EIF2AK4: variants seen among roughly 807,000 people sequenced by gnomAD.
EIF2AK4 encodes eIF-2-alpha kinase GCN2.
Under a neutral mutation model 211.1 loss-of-function variants are expected in EIF2AK4, and 139 were observed. The observed-to-expected ratio is 0.66, with a 90% CI of 0.57 to 0.76. The LOEUF (loss-of-function observed/expected upper bound fraction) is 0.76, where lower values mean the gene tolerates loss of function less well. Among genes scored for constraint, EIF2AK4 ranks in the 30% least tolerant of loss-of-function variants. The pLI, the probability that EIF2AK4 is intolerant of heterozygous loss-of-function variation, is 0.00. For missense variants in EIF2AK4, 1,664 were observed against 2,043.8 expected, an observed-to-expected ratio of 0.81 and a Z score of 3.58; for synonymous variants, 710 against 751.3, an observed-to-expected ratio of 0.94 and a Z score of 0.90.
rs2034143206 is a variant in EIF2AK4 at position 39,941,444 on chromosome 15, G to A, written c.257+1827G>A. 3.9e-5 allele frequency among the ~76,000 whole-genome samples: 6 copies of A among 152,228 alleles called. No homozygotes were observed. In the South Asian group the frequency reaches 1.2e-3, roughly 32 times the overall value. ...CTGTTGCTCAGGAAATTCCAAGGGT[G>A]ATAGGATCTCTGTGCCAGGAACAGG... is the stretch of plus-strand genomic sequence containing the variant. On this transcript the variant is annotated intron_variant, in intron 2 of 38. Coordinates refer to ENST00000263791, the MANE Select transcript of EIF2AK4 (RefSeq NM_001013703.4).
intron 26 of EIF2AK4, 52 bp downstream of exon 26, chr15:40,009,782 G>GATAATA: frequency 1.6e-6 from 2 of 1,220,802 alleles, no homozygotes; most frequent in Non-Finnish European, 2.4e-6. Context: ...GATGTTGAAA[G>GATAATA]ATAATAATAA....
intron 6 of EIF2AK4, among the ~76,000 whole-genome samples, chr15:39,959,186 A>G (rs1042147776): frequency 6.6e-6 from 1 of 152,214 alleles, no homozygotes. Context: ...GACCAGAGTC[A>G]TAGCTTCTGA....
chr15:40,004,354 CTGTT>C (rs142001486), intron 23 of EIF2AK4, among the ~76,000 whole-genome samples: 1,555 of 152,220 alleles, frequency 0.01, 34 homozygotes, highest in African/African-American at 0.035. Flanking sequence ...AACTGTCTGT[CTGTT>C]TATCAGTAGG....
At chr15:39,940,417 G>T (rs2034128939) in intron 2 of EIF2AK4, among the ~76,000 whole-genome samples, 2 of 152,124 alleles carry the variant, frequency 1.3e-5, no homozygotes, top group Non-Finnish European at 2.9e-5. Flanking sequence ...ACAAGTAAAA[G>T]GAAACTCTGC....
At chr15:40,025,160 G>A (rs928290512) in intron 32 of EIF2AK4, among the ~76,000 whole-genome samples, 7 of 152,160 alleles carry the variant, frequency 4.6e-5, no homozygotes, top group Non-Finnish European at 1.0e-4. Context: ...ATAGAGGCAG[G>A]CCAGCAGAGA....
chr15:40,020,096 G>T (rs562936830), intron 30 of EIF2AK4, among the ~76,000 whole-genome samples: 1 of 151,810 alleles, frequency 6.6e-6, no homozygotes, highest in African/African-American at 2.4e-5. Context: ...GAACCCAGGA[G>T]GGGGAGGTTG....
chr15:40,023,980 G>T (rs914789024), intron 32 of EIF2AK4, among the ~76,000 whole-genome samples: 3 of 152,176 alleles, frequency 2.0e-5, no homozygotes, highest in African/African-American at 4.8e-5. Context: ...ACAAACAAAG[G>T]AGAGTGTGTG....
intron 13 of EIF2AK4, among the ~76,000 whole-genome samples, chr15:39,979,948 G>A (rs533554556): frequency 2.0e-5 from 3 of 152,312 alleles, no homozygotes; most frequent in Admixed American, 2.0e-4. Context: ...AGGGGAAGGC[G>A]CAAGAAGCTC....
At chr15:40,031,816 C>A (rs1228269365) in intron 35 of EIF2AK4, among the ~76,000 whole-genome samples, 1 of 152,070 alleles carries the variant, frequency 6.6e-6, no homozygotes, top group African/African-American at 2.4e-5. Flanking sequence ...ACCTCTGCCT[C>A]CCATGTTCAA....
chr15:39,954,528 A>G (rs1297185554), intron 5 of EIF2AK4, among the ~76,000 whole-genome samples: 2 of 152,262 alleles, frequency 1.3e-5, no homozygotes, highest in African/African-American at 4.8e-5. Context: ...TGTTGGGATT[A>G]CAGGCGTGAG....
chr15:40,035,268 GAGACCAGCC>G lies in EIF2AK4; in HGVS notation c.*185_*193del. 2 of 399,774 alleles carry G rather than the reference GAGACCAGCC, an allele frequency of 5.0e-6. 1 individual carries two copies. The allele number at this position is 399,774 out of a possible 1,614,324, so 24.8% of individuals were successfully genotyped here. A position where few individuals can be genotyped will look rare whatever the true frequency, so the allele number is the denominator to read the frequency against. ...GAAGACTGCTTGAAACCAGGAGTTT[GAGACCAGCC>G]TGAGCAACAAAGCAAGACCCCATCT... is the stretch of plus-strand genomic sequence containing the variant. On this transcript the variant is annotated 3_prime_UTR_variant, in exon 39 of 39. Transcript: ENST00000263791.
chr15:40,030,363 G>A lies in EIF2AK4; in HGVS notation c.4566G>A (p.Leu1522=), dbSNP rs1418321857. 2 of 1,613,998 alleles carry A rather than the reference G, an allele frequency of 1.2e-6. No individual in the cohort carries two copies. Among genetic ancestry groups the A allele is most frequent in the Admixed American group, 1.7e-5 (1 of 60,004 alleles). The part of the protein sequence containing the change: ...LKGSFSNASG[L]FEIHGATVVP... Reference sequence around the variant, plus strand: ...CTGAAACTCTCTTGGTCTCAGGTTTGTTTGAAATCCATGGAGCAACAGTGG... The same window carrying A: ...CTGAAACTCTCTTGGTCTCAGGTTTATTTGAAATCCATGGAGCAACAGTGG... Residue 1522 remains leucine, a synonymous_variant, in exon 35 of 39, where the codon TTG becomes TTA. Coordinates refer to ENST00000263791, the MANE Select transcript of EIF2AK4 (RefSeq NM_001013703.4).
Position 39,965,622 on chromosome 15 carries a change from C to T in EIF2AK4, c.860-64C>T, listed in dbSNP as rs568262095. ...ACTAAAGAATGTGTATTACCCCCTCCCTTCCTTCCCCCAAGAGAAAACATA... is the reference window on the plus strand; with the variant it reads ...ACTAAAGAATGTGTATTACCCCCTCTCTTCCTTCCCCCAAGAGAAAACATA... On this transcript the variant is annotated intron_variant, in intron 7 of 38. Coordinates refer to ENST00000263791, the MANE Select transcript of EIF2AK4 (RefSeq NM_001013703.4). 13 of 1,580,350 alleles carry T rather than the reference C, an allele frequency of 8.2e-6. No homozygotes were observed. In the Admixed American group the frequency reaches 1.9e-4, roughly 23 times the overall value.
chr15:39,984,648 CTGTT>C (rs1345012843), intron 13 of EIF2AK4, among the ~76,000 whole-genome samples: 2 of 152,188 alleles, frequency 1.3e-5, no homozygotes, highest in Non-Finnish European at 2.9e-5. Context: ...ATTTGGCTCT[CTGTT>C]TGTCTATTAT....
At chr15:39,990,077 A>T (rs1485360581) in intron 15 of EIF2AK4, among the ~76,000 whole-genome samples, 196 bp from the exon 16 acceptor site, 1 of 152,228 alleles carries the variant, frequency 6.6e-6, no homozygotes, top group East Asian at 1.9e-4. Flanking sequence ...GGATACCACC[A>T]GGTAGAACTA....
intron 1 of EIF2AK4, among the ~76,000 whole-genome samples, chr15:39,938,107 C>T (rs2034093527): frequency 6.6e-6 from 1 of 152,228 alleles, no homozygotes; most frequent in African/African-American, 2.4e-5. Context: ...CAACGGCACT[C>T]TCTAAGCTTG....
At chr15:40,003,107 T>G (rs2035114326) in intron 22 of EIF2AK4, 86 bp from the exon 23 acceptor site, 2 of 1,553,228 alleles carry the variant, frequency 1.3e-6, no homozygotes, top group African/African-American at 2.7e-5. Context: ...AGCAATTACT[T>G]AACTGTCAGG....
rs1395247420 is a variant in EIF2AK4 at position 39,946,823 on chromosome 15, A to G, written c.361-2293A>G. 3 of 595,900 alleles carry G rather than the reference A, an allele frequency of 5.0e-6. No homozygotes were observed. In the African/African-American group the frequency reaches 5.6e-5, roughly 11 times the overall value. The allele number at this position is 595,900 out of a possible 1,614,324, so 36.9% of individuals were successfully genotyped here. A position where few individuals can be genotyped will look rare whatever the true frequency, so the allele number is the denominator to read the frequency against. On this transcript the variant is annotated intron_variant, in intron 3 of 38. Coordinates refer to ENST00000263791, the MANE Select transcript of EIF2AK4 (RefSeq NM_001013703.4). ...CAAGACAAAACCCTCTGTCTGCAAA[A>G]AGATTATGACGTCCTGAAGGTTCAG... is the stretch of plus-strand genomic sequence containing the variant.
rs138521426 is a variant in EIF2AK4 at position 39,940,688 on chromosome 15, G to A, written c.257+1071G>A. Among the ~76,000 whole-genome samples the A allele has an allele frequency of 1.7e-3, 250 of 151,008 alleles. 1 individual carries two copies. The highest frequency in any genetic ancestry group is 5.8e-3 in the African/African-American group (237 of 41,100). On this transcript the variant is annotated intron_variant, in intron 2 of 38. Transcript: ENST00000263791. ...AATTAAAAGAGTGCCTCTCTAGGTT[G>A]TTTTTTTTTCCTGACACCAAATACA... is the stretch of plus-strand genomic sequence containing the variant.
Sources: gnomAD v4.1 joint callset for allele counts (sites outside exome capture counted in the v4.1 genomes callset) on GRCh38, gnomAD v4.1.1 for gene constraint, MANE v1.5 for transcripts, NCBI Gene and HGNC (gene_info 2026-07-23, HGNC 2026-07-21) for gene names.